Variants in EXOC6 observed in about 807,000 individuals in gnomAD.
The protein encoded by EXOC6 is SEC15-like 1.
In EXOC6, 60 loss-of-function variants were observed where a neutral mutation model predicts 112.5. That is an observed-to-expected ratio of 0.53 (90% CI 0.43 to 0.66). The LOEUF (loss-of-function observed/expected upper bound fraction) is 0.66. Ranked by LOEUF, EXOC6 falls within the 30% of genes least tolerant of loss-of-function variation. The pLI, the probability that EXOC6 is intolerant of heterozygous loss-of-function variation, is 0.00. For synonymous variants in EXOC6, 295 were observed against 308.0 expected (o/e 0.96, Z 0.44); for missense variants, 855 against 957.1 (o/e 0.89, Z 1.41).
chr10:92,901,195 TG>T (rs1850147146), intron 5 of EXOC6: 1 of 152,216 alleles, frequency 6.6e-6, no homozygotes, highest in Non-Finnish European at 1.5e-5. Flanking sequence ...GTCTACCAGA[TG>T]TCTTTTGAAA....
chr10:93,018,857 TATTAA>T (rs941313734), intron 20 of EXOC6, among the ~76,000 whole-genome samples: 2 of 151,610 alleles, frequency 1.3e-5, no homozygotes, highest in African/African-American at 4.8e-5. Flanking sequence ...AAAATAAAAA[TATTAA>T]ATTAAAAAAA....
At chr10:92,841,955 C>T (rs1057493952) in intron 1 of EXOC6, among the ~76,000 whole-genome samples, 1 of 151,882 alleles carries the variant, frequency 6.6e-6, no homozygotes, top group East Asian at 1.9e-4. Context: ...GTCTGGGTGC[C>T]GTTGATACAG....
chr10:92,977,006 A>G (rs1020479328), intron 18 of EXOC6, among the ~76,000 whole-genome samples: 9 of 152,262 alleles, frequency 5.9e-5, no homozygotes, highest in African/African-American at 2.2e-4. Flanking sequence ...ATAGTTTTAT[A>G]CAAAAAAATA....
chr10:92,878,163 C>T (rs1290521184), intron 1 of EXOC6: 1 of 152,394 alleles, frequency 6.6e-6, no homozygotes, highest in African/African-American at 2.4e-5. Context: ...TTAGGTTTTT[C>T]TGAGCATCTG....
At chr10:92,947,891 G>A (rs905238014) in intron 13 of EXOC6, among the ~76,000 whole-genome samples, 1 of 152,102 alleles carries the variant, frequency 6.6e-6, no homozygotes, top group African/African-American at 2.4e-5. Flanking sequence ...GTGACAGAGC[G>A]AGACTCTGTC....
intron 1 of EXOC6, among the ~76,000 whole-genome samples, chr10:92,869,658 A>G (rs1391220932): frequency 6.6e-6 from 1 of 152,156 alleles, no homozygotes; most frequent in Non-Finnish European, 1.5e-5. Context: ...ATATAAATGA[A>G]TGCTGGTGAT....
intron 1 of EXOC6, among the ~76,000 whole-genome samples, chr10:92,874,824 A>C (rs140319982): frequency 2.1e-4 from 32 of 152,168 alleles, no homozygotes; most frequent in Middle Eastern, 3.4e-3. Context: ...GTGAAGTCTG[A>C]CTTTCTCTGC....
chr10:92,947,496 T>C (rs1161765990), intron 13 of EXOC6, among the ~76,000 whole-genome samples: 2 of 152,250 alleles, frequency 1.3e-5, no homozygotes, highest in Non-Finnish European at 2.9e-5. Context: ...CCATTTCTAA[T>C]CATGACATTA....
Position 92,928,393 on chromosome 10 carries a change from A to G in EXOC6, c.943A>G (p.Arg315Gly). The G allele has an allele frequency of 6.2e-7, 1 of 1,610,214 alleles. No homozygotes were observed. The highest frequency in any genetic ancestry group is 1.1e-5 in the South Asian group (1 of 90,296). ...TCGAAAACAAAGAAAGAAACAAGCA[A>G]GACTGGTATTGCAACCCCAGTCGAA... ...YYRKQRKKQA[R>G]LVLQPQSNMH... The change falls in exon 9 of 22, where the codon AGA (arginine) becomes GGA (glycine). Residue 315 changes from arginine (R) to glycine (G), a missense_variant. By Grantham distance (125) the Arg-to-Gly change is moderately radical. This residue lies in a region of EXOC6 where 405 missense variants were observed against 393.6 expected (regional missense o/e 1.03). Coordinates refer to ENST00000260762, the MANE Select transcript of EXOC6 (RefSeq NM_019053.6).
chr10:93,007,416 C>T (rs1590026729), intron 19 of EXOC6, among the ~76,000 whole-genome samples: 3 of 152,160 alleles, frequency 2.0e-5, no homozygotes, highest in East Asian at 3.9e-4. Context: ...TTTGGGAGGC[C>T]GAGGTGGGTG....
At chr10:92,863,839 C>T (rs570429087) in intron 1 of EXOC6, among the ~76,000 whole-genome samples, 8 of 148,686 alleles carry the variant, frequency 5.4e-5, no homozygotes, top group Middle Eastern at 3.5e-3. Flanking sequence ...GGCGTGAACC[C>T]GGGAGGCGGA....
At chr10:92,848,778 T>A (rs1847173735) in intron 1 of EXOC6, 144 bp downstream of exon 1, 1 of 525,978 alleles carries the variant, frequency 1.9e-6, no homozygotes, top group Non-Finnish European at 2.6e-6. Context: ...CGCTCGCGGG[T>A]GGCGGAACTC....
intron 1 of EXOC6, among the ~76,000 whole-genome samples, chr10:92,876,408 GGATA>G (rs949895985): frequency 1.2e-4 from 18 of 152,150 alleles, no homozygotes; most frequent in African/African-American, 4.3e-4. Flanking sequence ...ATTGAGGTAG[GGATA>G]GATAGATTAG....
intron 18 of EXOC6, among the ~76,000 whole-genome samples, chr10:92,985,803 G>A (rs1319692892): frequency 6.6e-6 from 1 of 152,014 alleles, no homozygotes; most frequent in Non-Finnish European, 1.5e-5. Flanking sequence ...ATTGAAAACT[G>A]TAAAGGAAAA....
intron 7 of EXOC6, among the ~76,000 whole-genome samples, chr10:92,916,268 T>G (rs1319337866): frequency 1.3e-5 from 2 of 152,164 alleles, no homozygotes; most frequent in Non-Finnish European, 2.9e-5. Context: ...CCCAGCACTT[T>G]GCAAGGTTGA....
At chr10:93,007,557 G>A (rs1339193095) in intron 19 of EXOC6, among the ~76,000 whole-genome samples, 1 of 152,164 alleles carries the variant, frequency 6.6e-6, no homozygotes, top group African/African-American at 2.4e-5. Context: ...GGAGGCCGAG[G>A]CAGGAGAATT....
intron 7 of EXOC6, among the ~76,000 whole-genome samples, chr10:92,916,518 G>GA (rs1000567271): frequency 2.4e-4 from 37 of 151,362 alleles, no homozygotes; most frequent in South Asian, 1.3e-3. Context: ...TCAAAAAGAA[G>GA]AAAAAAAACA....
At chr10:93,020,481 A>G (rs1397597000) in intron 20 of EXOC6, among the ~76,000 whole-genome samples, 2 of 152,036 alleles carry the variant, frequency 1.3e-5, no homozygotes, top group Non-Finnish European at 2.9e-5. Flanking sequence ...CTTATAGACT[A>G]CTCCAGACAT....
rs565768603 is a variant in EXOC6, at chr10:92,940,631, G to T, written c.1213-96G>T. 274 of 764,958 alleles carry T rather than the reference G, an allele frequency of 3.6e-4. No individual in the cohort carries two copies. The African/African-American group carries it at 4.5e-3, about 13-fold the overall frequency. 47.4% of individuals were successfully genotyped at this position (764,958 alleles called of 1,614,324 possible). ...TGAGAATGGCATGCAATGGGATCTA[G>T]TGATTCCTTCCAAATGATTCTCTAG... On this transcript the variant is annotated intron_variant, in intron 12 of 21. Transcript: ENST00000260762.
Sources: allele counts gnomAD v4.1 joint callset (sites outside exome capture counted in the v4.1 genomes callset), GRCh38; gene constraint gnomAD v4.1.1; regional missense constraint gnomAD v4.1.1; transcripts MANE v1.5; gene names NCBI Gene and HGNC (gene_info 2026-07-23, HGNC 2026-07-21).